Variants in DNAJB6 observed in about 807,000 individuals in gnomAD.
The protein encoded by DNAJB6 is DnaJ heat shock protein family (Hsp40) member B6, also known as dnaJ homolog subfamily B member 6.
Under a neutral mutation model 42.7 loss-of-function variants are expected in DNAJB6, and 16 were observed. The ratio of observed to expected loss-of-function variants is 0.37; its 90% CI spans 0.25 to 0.57. DNAJB6 has a LOEUF of 0.57. Among genes scored for constraint, DNAJB6 ranks in the 20% least tolerant of loss-of-function variants. DNAJB6 has a pLI of 0.74. For missense variants in DNAJB6, 347 were observed against 416.8 expected (o/e 0.83, Z 1.46); for synonymous variants, 170 against 163.5 (o/e 1.04, Z -0.30).
chr7:157,400,628 G>A (rs1311849999), intron 8 of DNAJB6, among the ~76,000 whole-genome samples: 1 of 152,240 alleles, frequency 6.6e-6, no homozygotes, highest in Non-Finnish European at 1.5e-5. Flanking sequence ...GGTGGTCTAT[G>A]TCTCATCACC....
At chr7:157,357,212 G>GTCCTTCCTTCCTTCCT (rs112834824) in intron 1 of DNAJB6, among the ~76,000 whole-genome samples, 1 of 61,848 alleles carries the variant, frequency 1.6e-5, no homozygotes, top group East Asian at 7.2e-4. Flanking sequence ...TGATACTGTT[G>GTCCTTCCTTCCTTCCT]TCCTTCCTTC....
At chr7:157,394,933 T>C (rs900159789) in intron 8 of DNAJB6, among the ~76,000 whole-genome samples, 2 of 151,968 alleles carry the variant, frequency 1.3e-5, no homozygotes, top group Non-Finnish European at 2.9e-5. Context: ...CCACAAAGAA[T>C]AGAAAATATT....
chr7:157,344,700 C>G (rs73497154), intron 1 of DNAJB6, among the ~76,000 whole-genome samples: 7,777 of 152,200 alleles, frequency 0.051, 232 homozygotes, highest in African/African-American at 0.086. Context: ...CTAGCATCGA[C>G]TGCCTGGGCT....
rs533923906 is a variant in DNAJB6 at position 157,382,743 on chromosome 7, C to T, written c.478+366C>T. 9.5e-5 allele frequency: 15 copies of T among 158,406 alleles called. No homozygotes were observed. The South Asian group carries it at 2.7e-3, about 29-fold the overall frequency. 9.8% of individuals were successfully genotyped at this position (158,406 alleles called of 1,614,324 possible). A position where few individuals can be genotyped will look rare whatever the true frequency, so the allele number is the denominator to read the frequency against. On this transcript the variant is annotated intron_variant, in intron 6 of 9. Transcript: ENST00000262177. ...CTCCTTTGTAGTTAAAACAAAAGTGCACAAATAGCATCCTAGGAGCATCCC... is the reference window on the plus strand; with the variant it reads ...CTCCTTTGTAGTTAAAACAAAAGTGTACAAATAGCATCCTAGGAGCATCCC...
chr7:157,388,426 CTT>C (rs1295311988), intron 8 of DNAJB6, among the ~76,000 whole-genome samples: 4 of 152,106 alleles, frequency 2.6e-5, no homozygotes, highest in Non-Finnish European at 5.9e-5. Context: ...TCAACAGTCT[CTT>C]TACTTGCTGT....
At chr7:157,348,183 C>T (rs1798784490) in intron 1 of DNAJB6, among the ~76,000 whole-genome samples, 1 of 151,740 alleles carries the variant, frequency 6.6e-6, no homozygotes, top group Non-Finnish European at 1.5e-5. Context: ...ACCTCTGCCT[C>T]CCGGGTTCAA....
intron 2 of DNAJB6, among the ~76,000 whole-genome samples, chr7:157,362,399 A>G (rs183105932): frequency 6.6e-6 from 1 of 152,080 alleles, no homozygotes; most frequent in Non-Finnish European, 1.5e-5. Flanking sequence ...TTTGAGACGG[A>G]GTTTCGCTCT....
chr7:157,344,612 A>T (rs561873588), intron 1 of DNAJB6, among the ~76,000 whole-genome samples: 43 of 150,232 alleles, frequency 2.9e-4, no homozygotes, highest in Admixed American at 5.9e-4. Context: ...TTTTTTATTT[A>T]AAAAAAAATT....
At chr7:157,373,702 G>T (rs1305356161) in intron 5 of DNAJB6, among the ~76,000 whole-genome samples, 1 of 152,186 alleles carries the variant, frequency 6.6e-6, no homozygotes, top group African/African-American at 2.4e-5. Flanking sequence ...GTACAGGCAT[G>T]GGAGTGGCAC....
chr7:157,409,658 A>G lies in DNAJB6; in HGVS notation c.692-137A>G, dbSNP rs56127638. 4,384 of 990,608 alleles carry G rather than the reference A, an allele frequency of 4.4e-3. 136 individuals are homozygous for G. The African/African-American group carries it at 0.064, about 15-fold the overall frequency. 61.4% of individuals were successfully genotyped at this position (990,608 alleles called of 1,614,324 possible). ...CCAGTGGCGCCACTGAAGAAAGGAGATAACCTCTTTCTCCTGCCCGGAGAT... is the reference window on the plus strand; with the variant it reads ...CCAGTGGCGCCACTGAAGAAAGGAGGTAACCTCTTTCTCCTGCCCGGAGAT... On this transcript the variant is annotated intron_variant, in intron 8 of 9. Transcript: ENST00000262177.
intron 8 of DNAJB6, among the ~76,000 whole-genome samples, chr7:157,398,097 C>T (rs1289450271): frequency 1.3e-5 from 2 of 152,196 alleles, no homozygotes; most frequent in African/African-American, 2.4e-5. Flanking sequence ...CAGCAGATGG[C>T]GTCTGCCATT....
intron 2 of DNAJB6, among the ~76,000 whole-genome samples, chr7:157,361,402 C>T (rs1799587569): frequency 1.3e-5 from 2 of 152,158 alleles, no homozygotes; most frequent in Admixed American, 1.3e-4. Context: ...CGTGATCTGC[C>T]TGCCTCAGCC....
chr7:157,386,277 A>G, intron 8 of DNAJB6: 3 of 983,548 alleles, frequency 3.1e-6, no homozygotes, highest in Non-Finnish European at 3.6e-6. Context: ...AAAAAAAAAG[A>G]AAATAAATGC....
chr7:157,373,882 TA>T (rs1388336202), intron 5 of DNAJB6, among the ~76,000 whole-genome samples: 1 of 152,066 alleles, frequency 6.6e-6, no homozygotes, highest in East Asian at 1.9e-4. Flanking sequence ...TAAATACACA[TA>T]AAAACATCAC....
intron 9 of DNAJB6, chr7:157,410,251 G>T: frequency 2.3e-6 from 2 of 864,682 alleles, no homozygotes; most frequent in Non-Finnish European, 1.6e-6. Context: ...GTGTTGCTCC[G>T]CAAAGGATGA....
intron 5 of DNAJB6, among the ~76,000 whole-genome samples, chr7:157,371,625 C>G (rs2117025305): frequency 6.6e-6 from 1 of 152,376 alleles, no homozygotes. Flanking sequence ...ACTGCTGAGG[C>G]TAGGTGACTG....
At chr7:157,374,830 TC>T (rs1270667538) in intron 5 of DNAJB6, among the ~76,000 whole-genome samples, 2 of 152,222 alleles carry the variant, frequency 1.3e-5, no homozygotes, top group Non-Finnish European at 2.9e-5. Context: ...TGGTGTTTCC[TC>T]CCTTGTATTT....
intron 9 of DNAJB6, chr7:157,413,613 C>T (rs1167533678): frequency 2.0e-5 from 3 of 151,786 alleles, no homozygotes; most frequent in Admixed American, 6.6e-5. Context: ...GGCGGTCCCA[C>T]GAAGTCCCAG....
At chr7:157,363,089 A>ACCACG in intron 2 of DNAJB6, 72 bp from the exon 3 acceptor site, 1 of 1,050,088 alleles carries the variant, frequency 9.5e-7, no homozygotes, top group Non-Finnish European at 1.4e-6. Context: ...CTCGTGGTTA[A>ACCACG]TGATGTTAGT....
Sources: gnomAD v4.1 joint callset for allele counts (sites outside exome capture counted in the v4.1 genomes callset) on GRCh38, gnomAD v4.1.1 for gene constraint, MANE v1.5 for transcripts, NCBI Gene and HGNC (gene_info 2026-07-23, HGNC 2026-07-21) for gene names.